The following ZNF274 variants were observed in gnomAD, a reference collection of about 807,000 sequenced individuals.
ZNF274 encodes the protein zinc finger protein 274.
In ZNF274, 23 loss-of-function variants were observed where a neutral mutation model predicts 42.5. The ratio of observed to expected loss-of-function variants is 0.54; its 90% CI spans 0.39 to 0.77. The LOEUF is 0.77. Among genes scored for constraint, ZNF274 ranks in the 30% least tolerant of loss-of-function variants. The probability of loss-of-function intolerance (pLI) is 0.00; values close to 1 mark genes in which losing one functional copy is unlikely to be tolerated. For synonymous variants in ZNF274, 292 were observed against 305.4 expected (o/e 0.96, Z 0.46); for missense variants, 679 against 806.5 (o/e 0.84, Z 1.91).
At position 58,206,773 on chromosome 19, in the gene ZNF274, C is replaced by T. The variant is rs201074514; in HGVS notation, c.310C>T (p.Pro104Ser). 20 of 1,612,074 alleles carry T rather than the reference C, an allele frequency of 1.2e-5. No homozygotes were observed. The highest frequency in any genetic ancestry group is 1.5e-5 in the Non-Finnish European group (18 of 1,179,104). ...PKLDPLPAES[P>S]LMNIEVVEVL... is the part of the protein sequence containing the mutation. ...ATTGGATCCTCTTCCTGCTGAGAGT[C>T]CCCTAATGAACATTGAGGTTGTTGA... The change falls in exon 5 of 8, where the codon CCC becomes TCC. Residue 104 changes from proline to serine, a missense_variant. Coordinates refer to ENST00000617501, the MANE Select transcript of ZNF274 (RefSeq NM_133502.3).
chr19:58,197,411 T>C (rs962415551), intron 4 of ZNF274, among the ~76,000 whole-genome samples: 4 of 152,240 alleles, frequency 2.6e-5, no homozygotes, highest in Admixed American at 2.0e-4. Context: ...TATCATGTCG[T>C]AGAGAAGGCA....
chr19:58,186,603 G>T (rs970277957), intron 3 of ZNF274, among the ~76,000 whole-genome samples: 1 of 149,308 alleles, frequency 6.7e-6, no homozygotes, highest in African/African-American at 2.5e-5. Flanking sequence ...GTTCCCCCTA[G>T]TCATTGCACA....
Position 58,211,405 on chromosome 19 carries a change from T to C in ZNF274, c.853-155T>C. The C allele has an allele frequency of 1.1e-6, 1 of 934,858 alleles. No homozygotes were observed. The highest frequency in any genetic ancestry group is 1.5e-6 in the Non-Finnish European group (1 of 652,968). 57.9% of individuals were successfully genotyped at this position (934,858 alleles called of 1,614,324 possible). ...TGGTTTGGACCCAGTAGAACTCTTG[T>C]GGGCCCTGGGTTGGTGTCTCTGAGC... On this transcript the variant is annotated intron_variant, in intron 6 of 7. Transcript: ENST00000617501. The surrounding 1 kb of genome is among the most constrained non-coding windows in gnomAD (Gnocchi z 4.8).
Position 58,183,214 on chromosome 19 carries a change from C to G in ZNF274, c.-274C>G, listed in dbSNP as rs1332676301. On this transcript the variant is annotated 5_prime_UTR_variant, in exon 1 of 8. Transcript: ENST00000617501. ...TGTGGGGCCCTGCGGCCTAGCGTCC[C>G]TCACCAGAGGCCTCCCCTTGCCTAG... The G allele has an allele frequency of 6.6e-6, 1 of 152,366 alleles. No individual in the cohort carries two copies. Among genetic ancestry groups the G allele is most frequent in the Admixed American group, 6.5e-5 (1 of 15,284 alleles). 9.4% of individuals were successfully genotyped at this position (152,366 alleles called of 1,614,324 possible).
chr19:58,212,272 C>T lies in ZNF274; in HGVS notation c.1091C>T (p.Ser364Phe), dbSNP rs765264754. 9 of 1,613,862 alleles carry T rather than the reference C, an allele frequency of 5.6e-6. No homozygotes were observed. The Admixed American group carries it at 1.3e-4, about 24-fold the overall frequency. ...GAATCCTCAAGGGATTGTGCCTTGTCCTCTACATTAGAAGATACCTTGCAG... is the reference window on the plus strand; with the variant it reads ...GAATCCTCAAGGGATTGTGCCTTGTTCTCTACATTAGAAGATACCTTGCAG... ...VQESSRDCAL[S>F]STLEDTLQGG... The change falls in exon 8 of 8, where the codon TCC (serine) becomes TTC (phenylalanine). Residue 364 changes from serine to phenylalanine, a missense_variant. Physicochemically the swap from Ser to Phe is radical, Grantham distance 155 (BLOSUM62 -2). Around this residue, in one of 2 missense-constraint regions of ZNF274, gnomAD observed 456 missense variants for 590.1 expected, o/e 0.77. Transcript: ENST00000617501. The surrounding 1 kb of genome is among the most constrained non-coding windows in gnomAD (Gnocchi z 4.6).
chr19:58,205,906 C>T (rs1161745226), intron 4 of ZNF274, among the ~76,000 whole-genome samples: 1 of 152,204 alleles, frequency 6.6e-6, no homozygotes, highest in Non-Finnish European at 1.5e-5. Flanking sequence ...GCCTTTTGTT[C>T]TTTCCCTATA....
In ZNF274 at chr19:58,190,102, G is replaced by A. The variant is rs930755001; in HGVS notation, c.256+3060G>A. On this transcript the variant is annotated intron_variant, in intron 4 of 7. Transcript: ENST00000617501. ...TGCGCCACTGCACTCCAGCCTAGGCGACAGAGCAAGACTCTATCTCAAAAA... is the reference window on the plus strand; with the variant it reads ...TGCGCCACTGCACTCCAGCCTAGGCAACAGAGCAAGACTCTATCTCAAAAA... Among the ~76,000 whole-genome samples, 14 of 146,930 alleles carry A rather than the reference G, an allele frequency of 9.5e-5. No individual in the cohort carries two copies. In the East Asian group the frequency reaches 1.8e-3, roughly 19 times the overall value.
chr19:58,204,914 GGAGT>G (rs2075964552), intron 4 of ZNF274, among the ~76,000 whole-genome samples: 2 of 152,182 alleles, frequency 1.3e-5, no homozygotes, highest in Non-Finnish European at 1.5e-5. Context: ...AGGCAGGTAG[GGAGT>G]GAGAAGACGT....
chr19:58,188,688 G>GTATATGTATATATATATATATATATA (rs1468202278), intron 4 of ZNF274, among the ~76,000 whole-genome samples: 13 of 52,960 alleles, frequency 2.5e-4, no homozygotes, highest in Admixed American at 7.2e-4. Flanking sequence ...ATATATATAT[G>GTATATGTATATATATATATATATATA]TATATGTATA....
At chr19:58,190,763 G>A (rs187236116) in intron 4 of ZNF274, among the ~76,000 whole-genome samples, 1 of 152,318 alleles carries the variant, frequency 6.6e-6, no homozygotes, top group Non-Finnish European at 1.5e-5. Flanking sequence ...TCAGTGTGCT[G>A]AATGCTTTCC....
chr19:58,188,680 A>ATATATG (rs2075736251), intron 4 of ZNF274, among the ~76,000 whole-genome samples: 1 of 75,692 alleles, frequency 1.3e-5, no homozygotes, highest in African/African-American at 5.3e-5. Context: ...GTGTGTGTAT[A>ATATATG]TATATATGTA....
intron 5 of ZNF274, 60 bp from the exon 6 acceptor site, chr19:58,209,901 C>T (rs556860721): frequency 2.0e-4 from 267 of 1,314,688 alleles, no homozygotes; most frequent in Non-Finnish European, 2.6e-4. Flanking sequence ...AGAGGCCACC[C>T]TTGCCCTGCC....
chr19:58,200,555 C>G (rs174280), intron 4 of ZNF274, among the ~76,000 whole-genome samples: 92,359 of 151,880 alleles, frequency 0.61, 28,358 homozygotes, highest in African/African-American at 0.64. Context: ...TGAGCTCAGA[C>G]CTGAATGGGA....
At chr19:58,200,180 T>G (rs565336872) in intron 4 of ZNF274, among the ~76,000 whole-genome samples, 1 of 152,326 alleles carries the variant, frequency 6.6e-6, no homozygotes, top group Admixed American at 6.5e-5. Context: ...GTGGGGCAGG[T>G]CTTACACCTG....
Position 58,211,748 on chromosome 19 carries a change from G to A in ZNF274, c.979+62G>A. ...GGTAGGCCACAGGAGCCCCAAGTCA[G>A]GGGTGTTCACCTTCTCTAGACTCCA... is the stretch of plus-strand genomic sequence containing the variant. On this transcript the variant is annotated intron_variant, in intron 7 of 7. Transcript: ENST00000617501. The surrounding 1 kb of genome is among the most constrained non-coding windows in gnomAD (Gnocchi z 4.8). The A allele has an allele frequency of 6.4e-7, 1 of 1,561,362 alleles. No homozygotes were observed.
chr19:58,210,039 A>G lies in ZNF274; in HGVS notation c.818A>G (p.Asp273Gly). The G allele has an allele frequency of 6.2e-7, 1 of 1,613,802 alleles. No homozygotes were observed. Among genetic ancestry groups the G allele is most frequent in the Non-Finnish European group, 8.5e-7 (1 of 1,179,796 alleles). Reference sequence around the variant, plus strand: ...GCCCAGCAGGAGGAGAAGCAGGAGGATGCAGCCATCTGCCCAGTGACAGTG... The same window carrying G: ...GCCCAGCAGGAGGAGAAGCAGGAGGGTGCAGCCATCTGCCCAGTGACAGTG... ...VTAQQEEKQE[D>G]AAICPVTVLP... Residue 273 changes from aspartate to glycine, a missense_variant, in exon 6 of 8, where the codon GAT becomes GGT. By Grantham distance (94) the Asp-to-Gly change is moderately conservative. Transcript: ENST00000617501.
At chr19:58,199,124 G>A (rs2075878512) in intron 4 of ZNF274, among the ~76,000 whole-genome samples, 1 of 152,066 alleles carries the variant, frequency 6.6e-6, no homozygotes, top group Admixed American at 6.5e-5. Context: ...CTGGCACTTT[G>A]GGAGGCCGAG....
chr19:58,204,088 C>T (rs1255822082), intron 4 of ZNF274, among the ~76,000 whole-genome samples: 3 of 152,114 alleles, frequency 2.0e-5, no homozygotes, highest in East Asian at 3.9e-4. Flanking sequence ...ACTCGAGGAA[C>T]GGGAGAGGGG....
intron 4 of ZNF274, among the ~76,000 whole-genome samples, chr19:58,204,004 C>T (rs1391423800): frequency 6.6e-6 from 1 of 152,186 alleles, no homozygotes; most frequent in Non-Finnish European, 1.5e-5. Flanking sequence ...TCCCTGGGCC[C>T]GTGCCAGCGG....
Sources: allele counts gnomAD v4.1 joint callset (sites outside exome capture counted in the v4.1 genomes callset), GRCh38; gene constraint gnomAD v4.1.1; regional missense constraint gnomAD v4.1.1; non-coding constraint Gnocchi (gnomAD v3.1); transcripts MANE v1.5; gene names NCBI Gene and HGNC (gene_info 2026-07-23, HGNC 2026-07-21).